DDX39B: variants seen among roughly 807,000 people sequenced by gnomAD.
DDX39B encodes spliceosome RNA helicase DDX39B.
In DDX39B, 6 loss-of-function variants were observed where a neutral mutation model predicts 46.4. The ratio of observed to expected loss-of-function variants is 0.13; its 90% CI spans 0.07 to 0.26. DDX39B has a LOEUF of 0.26. Among genes scored for constraint, DDX39B ranks in the 10% least tolerant of loss-of-function variants. DDX39B has a pLI of 1.00. For missense variants in DDX39B, 185 were observed against 553.4 expected (o/e 0.33, Z 6.68); for synonymous variants, 174 against 199.4 (o/e 0.87, Z 1.07).
chr6:31,537,869 C>T (rs913419367), intron 4 of DDX39B, among the ~76,000 whole-genome samples: 1 of 151,908 alleles, frequency 6.6e-6, no homozygotes, highest in African/African-American at 2.4e-5. Context: ...AACCCTGTCA[C>T]TACTAAAAAA....
chr6:31,532,625 C>A, intron 7 of DDX39B, 155 bp downstream of exon 7: 2 of 934,170 alleles, frequency 2.1e-6, no homozygotes, highest in African/African-American at 3.3e-5. Context: ...GCAGCTCCCA[C>A]CTTACTCATG....
rs1767135505 is a variant in DDX39B, at chr6:31,531,361, G to A, written c.912C>T (p.Ala304=). 1.2e-6 allele frequency: 2 copies of A among 1,614,134 alleles called. No homozygotes were observed. Among genetic ancestry groups the A allele is most frequent in the Non-Finnish European group, 1.7e-6 (2 of 1,180,016 alleles). Residue 304 remains alanine, a synonymous_variant, in exon 8 of 11, where the codon GCC becomes GCT. Coordinates refer to ENST00000396172, the MANE Select transcript of DDX39B (RefSeq NM_004640.7). The surrounding 1 kb of genome is among the most constrained non-coding windows in gnomAD (Gnocchi z 5.8). ...VKSVQRCIAL[A]QLLVEQNFPA... Reference sequence around the variant, plus strand: ...GGAAGTTCTGCTCCACTAGTAGCTGGGCCAAGGCAATGCACCGCTGCACAG... The same window carrying A: ...GGAAGTTCTGCTCCACTAGTAGCTGAGCCAAGGCAATGCACCGCTGCACAG...
At position 31,530,537 on chromosome 6, in the gene DDX39B, G is replaced by A; in HGVS notation, c.1271-87C>T. ...ACACGGCACACATGCAGACACTGGTGTACTGCCTGGGTTCAGAGGACGGAC... is the reference window on the plus strand; with the variant it reads ...ACACGGCACACATGCAGACACTGGTATACTGCCTGGGTTCAGAGGACGGAC... On this transcript the variant is annotated intron_variant, in intron 10 of 10. Transcript: ENST00000396172. The surrounding 1 kb of genome is among the most constrained non-coding windows in gnomAD (Gnocchi z 4.5). 1.9e-6 allele frequency: 3 copies of A among 1,567,912 alleles called. No homozygotes were observed. Among genetic ancestry groups the A allele is most frequent in the Non-Finnish European group, 2.6e-6 (3 of 1,141,094 alleles).
Position 31,534,310 on chromosome 6 carries a change from C to G in DDX39B, c.735+1057G>C, listed in dbSNP as rs1377405091. On this transcript the variant is annotated intron_variant, in intron 6 of 10. Coordinates refer to ENST00000396172, the MANE Select transcript of DDX39B (RefSeq NM_004640.7). The surrounding 1 kb of genome is among the most constrained non-coding windows in gnomAD (Gnocchi z 5.1). ...ACCAGGCCCAGCCAAGGCAGGCTTT[C>G]TAAAGAGAAGTTCCATGGCCTCCTT... 1 of 322,484 alleles carries G rather than the reference C, an allele frequency of 3.1e-6. No individual in the cohort carries two copies. The highest frequency in any genetic ancestry group is 6.5e-6 in the Non-Finnish European group (1 of 154,462). 20.0% of individuals were successfully genotyped at this position (322,484 alleles called of 1,614,324 possible).
chr6:31,536,992 C>T (rs753234194), intron 4 of DDX39B, among the ~76,000 whole-genome samples: 3 of 152,142 alleles, frequency 2.0e-5, no homozygotes, highest in Non-Finnish European at 2.9e-5. Flanking sequence ...TGGTGGCACA[C>T]GCCTATAATT....
Position 31,540,549 on chromosome 6 carries a change from G to A in DDX39B, c.-17C>T, listed in dbSNP as rs1233718651. The stretch of plus-strand genomic sequence containing the variant: ...CTCTGCCATAACTGGGCCGGCAGGG[G>A]AAGAAGGGAAGGGGGATCTGGATGG... On this transcript the variant is annotated 5_prime_UTR_variant, in exon 2 of 11. Coordinates refer to ENST00000396172, the MANE Select transcript of DDX39B (RefSeq NM_004640.7). 4 of 1,613,222 alleles carry A rather than the reference G, an allele frequency of 2.5e-6. 1 individual carries two copies. The highest frequency in any genetic ancestry group is 2.2e-5 in the South Asian group (2 of 91,074).
Position 31,534,869 on chromosome 6 carries a change from G to A in DDX39B, c.735+498C>T, listed in dbSNP as rs902979418. 5 of 268,288 alleles carry A rather than the reference G, an allele frequency of 1.9e-5. No homozygotes were observed. Among genetic ancestry groups the A allele is most frequent in the African/African-American group, 1.1e-4 (5 of 45,236 alleles). The allele number at this position is 268,288 out of a possible 1,614,324, so 16.6% of individuals were successfully genotyped here. On this transcript the variant is annotated intron_variant, in intron 6 of 10. Coordinates refer to ENST00000396172, the MANE Select transcript of DDX39B (RefSeq NM_004640.7). This position sits in a 1 kb window ranked among gnomAD's most constrained non-coding sequence, Gnocchi z 5.1. ...GGCCCCCACCCCTGGAGGTGGGGAAGGGGAGGATTCATTTGTGCTGATGCT... is the reference window on the plus strand; with the variant it reads ...GGCCCCCACCCCTGGAGGTGGGGAAAGGGAGGATTCATTTGTGCTGATGCT...
At position 31,534,893 on chromosome 6, in the gene DDX39B, CTCT is replaced by C. The variant is rs1460981559; in HGVS notation, c.735+471_735+473del. 7.4e-6 allele frequency: 2 copies of C among 270,346 alleles called. No individual in the cohort carries two copies. Among genetic ancestry groups the C allele is most frequent in the African/African-American group, 4.4e-5 (2 of 45,270 alleles). 16.7% of individuals were successfully genotyped at this position (270,346 alleles called of 1,614,324 possible). A position where few individuals can be genotyped will look rare whatever the true frequency, so the allele number is the denominator to read the frequency against. ...AGGGGAGGATTCATTTGTGCTGATGCTCTTCTTTTGGACATGCCCTGCCATCTG... is the reference window on the plus strand; with the variant it reads ...AGGGGAGGATTCATTTGTGCTGATGCTCTTTTGGACATGCCCTGCCATCTG... On this transcript the variant is annotated intron_variant, in intron 6 of 10. Coordinates refer to ENST00000396172, the MANE Select transcript of DDX39B (RefSeq NM_004640.7). This position sits in a 1 kb window ranked among gnomAD's most constrained non-coding sequence, Gnocchi z 5.1.
At chr6:31,539,067 C>T in intron 3 of DDX39B, 80 bp downstream of exon 3, 1 of 1,610,842 alleles carries the variant, frequency 6.2e-7, no homozygotes, top group Non-Finnish European at 8.5e-7. Flanking sequence ...GCTCTGCAAG[C>T]ATCATGTAGC....
At position 31,535,187 on chromosome 6, in the gene DDX39B, C is replaced by T; in HGVS notation, c.735+180G>A. 3.0e-6 allele frequency: 2 copies of T among 657,310 alleles called. No individual in the cohort carries two copies. Among genetic ancestry groups the T allele is most frequent in the East Asian group, 2.7e-5 (1 of 36,698 alleles). 40.7% of individuals were successfully genotyped at this position (657,310 alleles called of 1,614,324 possible). A position where few individuals can be genotyped will look rare whatever the true frequency, so the allele number is the denominator to read the frequency against. The stretch of plus-strand genomic sequence containing the variant: ...TCTTCCGGAGTTTCCCTGGCACCCG[C>T]GCAGGCCCTAACACTAGCTGTCTCT... On this transcript the variant is annotated intron_variant, in intron 6 of 10. Transcript: ENST00000396172. This position sits in a 1 kb window ranked among gnomAD's most constrained non-coding sequence, Gnocchi z 4.6.
chr6:31,539,943 G>A (rs932634760), intron 2 of DDX39B, among the ~76,000 whole-genome samples: 2 of 151,840 alleles, frequency 1.3e-5, no homozygotes, highest in African/African-American at 4.8e-5. Context: ...GAATAAGCCT[G>A]TATAAGCCTC....
rs1206781889 is a variant in DDX39B at position 31,538,708 on chromosome 6, C to T, written c.432+55G>A. ...AAAGAGACTATTGGCCTACAAGTTT[C>T]TTATCCCTCCAACTTGCCACACCCT... On this transcript the variant is annotated intron_variant, in intron 4 of 10. Transcript: ENST00000396172. 5 of 1,503,920 alleles carry T rather than the reference C, an allele frequency of 3.3e-6. No individual in the cohort carries two copies. The South Asian group carries it at 6.2e-5, about 19-fold the overall frequency. 93.2% of individuals were successfully genotyped at this position (1,503,920 alleles called of 1,614,324 possible).
At chr6:31,532,500 C>T (rs570936783) in intron 7 of DDX39B, 3 of 314,264 alleles carry the variant, frequency 9.5e-6, no homozygotes, top group African/African-American at 6.5e-5. Flanking sequence ...TCAGCCTCCC[C>T]AAGTGCTGGG....
At chr6:31,536,831 T>C (rs1353354330) in intron 4 of DDX39B, 148 bp from the exon 5 acceptor site, 1 of 960,192 alleles carries the variant, frequency 1.0e-6, no homozygotes, top group Non-Finnish European at 1.5e-6. Context: ...AAAAATTTTA[T>C]GTCCCCCCCA....
intron 6 of DDX39B, 95 bp from the exon 7 acceptor site, chr6:31,533,006 TG>T: frequency 4.4e-6 from 2 of 456,438 alleles, no homozygotes; most frequent in Non-Finnish European, 8.5e-6. Flanking sequence ...ATACACCCCA[TG>T]GGGGGATGGG....
chr6:31,541,051 G>A (rs371047190), intron 1 of DDX39B: 621 of 521,132 alleles, frequency 1.2e-3, no homozygotes, highest in Non-Finnish European at 1.9e-3. Context: ...CTCAAAGGAA[G>A]ACTCCGCTTT....
In DDX39B at chr6:31,534,633, G is replaced by A; in HGVS notation, c.735+734C>T. ...ACGCGTTGGGTTCAGGAAAAAAACCGGGAACGGAAAAAGAGGCTGGTTTGG... is the reference window on the plus strand; with the variant it reads ...ACGCGTTGGGTTCAGGAAAAAAACCAGGAACGGAAAAAGAGGCTGGTTTGG... On this transcript the variant is annotated intron_variant, in intron 6 of 10. Transcript: ENST00000396172. This position sits in a 1 kb window ranked among gnomAD's most constrained non-coding sequence, Gnocchi z 5.1. The A allele has an allele frequency of 2.7e-6, 1 of 368,860 alleles. No individual in the cohort carries two copies. Among genetic ancestry groups the A allele is most frequent in the Non-Finnish European group, 5.4e-6 (1 of 185,444 alleles). The allele number at this position is 368,860 out of a possible 1,614,324, so 22.8% of individuals were successfully genotyped here.
intron 4 of DDX39B, among the ~76,000 whole-genome samples, chr6:31,538,158 T>TTTTTC (rs1767997386): frequency 6.6e-6 from 1 of 152,016 alleles, no homozygotes; most frequent in Non-Finnish European, 1.5e-5. Flanking sequence ...TCAATCAGAT[T>TTTTTC]TTTTCTTTTT....
rs368638002 is a variant in DDX39B at position 31,532,765 on chromosome 6, G to T, written c.867+15C>A. 6.2e-7 allele frequency: 1 copy of T among 1,609,908 alleles called. No individual in the cohort carries two copies. The highest frequency in any genetic ancestry group is 8.5e-7 in the Non-Finnish European group (1 of 1,179,276). ...GTGCTCCAATGCTCATCCCCCTACT[G>T]GACGTCTAACTGACCTGGTTGAACT... On this transcript the variant is annotated intron_variant, in intron 7 of 10. Coordinates refer to ENST00000396172, the MANE Select transcript of DDX39B (RefSeq NM_004640.7).
Sources: allele counts gnomAD v4.1 joint callset (sites outside exome capture counted in the v4.1 genomes callset), GRCh38; gene constraint gnomAD v4.1.1; non-coding constraint Gnocchi (gnomAD v3.1); transcripts MANE v1.5; gene names NCBI Gene and HGNC (gene_info 2026-07-23, HGNC 2026-07-21).